Variants in KIRREL3 observed in about 807,000 individuals in gnomAD.
KIRREL3 encodes kirre like nephrin family adhesion molecule 3, also known as kin of IRRE-like protein 3.
In KIRREL3, 36 loss-of-function variants were observed where a neutral mutation model predicts 89.7. The observed-to-expected ratio is 0.40, with a 90% CI of 0.31 to 0.53. The LOEUF is 0.53. KIRREL3 is among the 20% of genes least tolerant of loss of function. KIRREL3 has a pLI of 0.49. For synonymous variants in KIRREL3, 445 were observed against 441.4 expected (o/e 1.01, Z -0.10); for missense variants, 864 against 1,056.6 (o/e 0.82, Z 2.53).
rs1488573020 is a variant in KIRREL3 at position 126,754,858 on chromosome 11, A to T, written c.56-191946T>A. Among the ~76,000 whole-genome samples the T allele has an allele frequency of 2.0e-5, 3 of 152,238 alleles. No homozygotes were observed. The highest frequency in any genetic ancestry group is 2.0e-4 in the Admixed American group (3 of 15,288). On this transcript the variant is annotated intron_variant, in intron 1 of 16. Transcript: ENST00000525144. The surrounding 1 kb of genome is among the most constrained non-coding windows in gnomAD (Gnocchi z 5.1). ...CTGGTCTCTTTCTCCATGGCCAGAC[A>T]TTGATGAAAATTGTACTGAGCAGCT...
chr11:126,606,878 G>A lies in KIRREL3; in HGVS notation c.56-43966C>T, dbSNP rs1942912197. ...GATGGGAAGGGATTTGGGGGGTCAA[G>A]GGAGGACTCTGGATGGGAAAGGGGA... On this transcript the variant is annotated intron_variant, in intron 1 of 16. Transcript: ENST00000525144. The surrounding 1 kb of genome is among the most constrained non-coding windows in gnomAD (Gnocchi z 4.6). Among the ~76,000 whole-genome samples the A allele has an allele frequency of 6.6e-6, 1 of 152,058 alleles. No individual in the cohort carries two copies. The highest frequency in any genetic ancestry group is 2.1e-4 in the South Asian group (1 of 4,814).
At chr11:126,665,005 C>T (rs1342529642) in intron 1 of KIRREL3, among the ~76,000 whole-genome samples, 1 of 152,210 alleles carries the variant, frequency 6.6e-6, no homozygotes, top group Non-Finnish European at 1.5e-5. Context: ...TCTTTTGCTT[C>T]TCACAATGAG....
intron 1 of KIRREL3, among the ~76,000 whole-genome samples, chr11:126,698,801 C>T (rs1449234269): frequency 6.6e-6 from 1 of 152,224 alleles, no homozygotes; most frequent in African/African-American, 2.4e-5. Context: ...CCTGCTCTGG[C>T]AGTGAGTTCC....
rs79822699 is a variant in KIRREL3, at chr11:126,426,998, A to G, written c.1807-1274T>C. Reference sequence around the variant, plus strand: ...TGACGATATCCTCAAGGGGTGGCTTAGCCCAGAGCCCTCAGCAAGTCCCTT... The same window carrying G: ...TGACGATATCCTCAAGGGGTGGCTTGGCCCAGAGCCCTCAGCAAGTCCCTT... On this transcript the variant is annotated intron_variant, in intron 15 of 16. Transcript: ENST00000525144. 1.9e-4 allele frequency among the ~76,000 whole-genome samples: 29 copies of G among 152,278 alleles called. 2 individuals are homozygous for G. The East Asian group carries it at 5.4e-3, about 28-fold the overall frequency.
At chr11:126,467,457 G>A (rs781177055) in intron 5 of KIRREL3, among the ~76,000 whole-genome samples, 12 of 152,148 alleles carry the variant, frequency 7.9e-5, no homozygotes, top group South Asian at 2.1e-4. Flanking sequence ...CTGAGCTCTC[G>A]GAAATGGGTG....
At chr11:126,435,525 C>T (rs1294147436) in intron 12 of KIRREL3, among the ~76,000 whole-genome samples, 1 of 85,364 alleles carries the variant, frequency 1.2e-5, no homozygotes, top group East Asian at 3.6e-4. Context: ...GATCACGTCT[C>T]GGAGGGGTCT....
rs1943309775 is a variant in KIRREL3, at chr11:126,615,595, G to A, written c.56-52683C>T. Among the ~76,000 whole-genome samples, 1 of 152,118 alleles carries A rather than the reference G, an allele frequency of 6.6e-6. No individual in the cohort carries two copies. Among genetic ancestry groups the A allele is most frequent in the Non-Finnish European group, 1.5e-5 (1 of 68,026 alleles). On this transcript the variant is annotated intron_variant, in intron 1 of 16. Coordinates refer to ENST00000525144, the MANE Select transcript of KIRREL3 (RefSeq NM_032531.4). This position sits in a 1 kb window ranked among gnomAD's most constrained non-coding sequence, Gnocchi z 5.4. ...AGCTGAAGATAGACAACCACTTGGG[G>A]GACCTAGTTGTGCCATGGCAATAAG...
Position 126,776,310 on chromosome 11 carries a change from G to C in KIRREL3, c.56-213398C>G, listed in dbSNP as rs1950167386. On this transcript the variant is annotated intron_variant, in intron 1 of 16. Transcript: ENST00000525144. This position sits in a 1 kb window ranked among gnomAD's most constrained non-coding sequence, Gnocchi z 4.7. Reference sequence around the variant, plus strand: ...TGTGCTTCCGGTGGAGTTTGCTGAAGTGCCATGGAGGGAACACTAGCCTGA... The same window carrying C: ...TGTGCTTCCGGTGGAGTTTGCTGAACTGCCATGGAGGGAACACTAGCCTGA... Among the ~76,000 whole-genome samples, 1 of 152,190 alleles carries C rather than the reference G, an allele frequency of 6.6e-6. No individual in the cohort carries two copies. The highest frequency in any genetic ancestry group is 2.4e-5 in the African/African-American group (1 of 41,438).
In KIRREL3 at chr11:126,811,736, G is replaced by T. The variant is rs1951396404; in HGVS notation, c.55+188719C>A. 6.6e-6 allele frequency among the ~76,000 whole-genome samples: 1 copy of T among 152,136 alleles called. No individual in the cohort carries two copies. ...CAAGTAGCGGGGATTACCGGCGCCT[G>T]CTACCATGCCCAGCTAATTTTTGTA... On this transcript the variant is annotated intron_variant, in intron 1 of 16. Transcript: ENST00000525144. This position sits in a 1 kb window ranked among gnomAD's most constrained non-coding sequence, Gnocchi z 4.3.
rs1948519068 is a variant in KIRREL3, at chr11:126,729,361, G to A, written c.56-166449C>T. Among the ~76,000 whole-genome samples the A allele has an allele frequency of 6.6e-6, 1 of 152,200 alleles. No homozygotes were observed. The highest frequency in any genetic ancestry group is 1.5e-5 in the Non-Finnish European group (1 of 68,034). On this transcript the variant is annotated intron_variant, in intron 1 of 16. Coordinates refer to ENST00000525144, the MANE Select transcript of KIRREL3 (RefSeq NM_032531.4). The surrounding 1 kb of genome is among the most constrained non-coding windows in gnomAD (Gnocchi z 4.5). ...GATATAGAAGAAGAAACAGGAAGTG[G>A]AGCCTGGTGAGGAACAAAAGGTGTC...
At chr11:126,440,930 G>T in intron 10 of KIRREL3, 1 of 265,904 alleles carries the variant, frequency 3.8e-6, no homozygotes, top group Non-Finnish European at 7.3e-6. Flanking sequence ...TGCAGAGGGG[G>T]TGGGGAGGTG....
chr11:126,473,359 T>G lies in KIRREL3; in HGVS notation c.541A>C (p.Ile181Leu). ...HADNAKPAAS[I>L]IWLRKGEVIN... ...ACCTCTCCCTTTCGCAACCAGATGA[T>G]GGAGGCTGCAGGCTTGGCATTGTCT... Residue 181 changes from isoleucine (I) to leucine (L), a missense_variant, in exon 5 of 17, where the codon ATC (isoleucine) becomes CTC (leucine). By Grantham distance (5) the Ile-to-Leu change is conservative. Coordinates refer to ENST00000525144, the MANE Select transcript of KIRREL3 (RefSeq NM_032531.4). The G allele has an allele frequency of 6.5e-7, 1 of 1,546,678 alleles. No homozygotes were observed. Among genetic ancestry groups the G allele is most frequent in the Non-Finnish European group, 8.7e-7 (1 of 1,149,116 alleles).
intron 1 of KIRREL3, among the ~76,000 whole-genome samples, chr11:126,663,521 C>T (rs1945518628): frequency 2.0e-5 from 3 of 152,150 alleles, no homozygotes; most frequent in African/African-American, 2.4e-5. Flanking sequence ...TCCTGGTTTT[C>T]TCTAAGGTGG....
intron 1 of KIRREL3, among the ~76,000 whole-genome samples, chr11:126,913,798 G>C: frequency 6.6e-6 from 1 of 152,192 alleles, no homozygotes; most frequent in Non-Finnish European, 1.5e-5. Flanking sequence ...AAGAAGCTTT[G>C]AAGAGGCCTG....
chr11:126,457,233 G>A (rs1389257880), intron 6 of KIRREL3, among the ~76,000 whole-genome samples: 1 of 147,352 alleles, frequency 6.8e-6, no homozygotes, highest in Non-Finnish European at 1.5e-5. Context: ...GTGTATGCAT[G>A]TGTATATGTA....
chr11:126,765,387 G>T (rs183246401), intron 1 of KIRREL3, among the ~76,000 whole-genome samples: 1 of 152,184 alleles, frequency 6.6e-6, no homozygotes, highest in Non-Finnish European at 1.5e-5. Flanking sequence ...TGTGCGGGGA[G>T]AAATCTAAAA....
At position 126,578,390 on chromosome 11, in the gene KIRREL3, AC is replaced by A. The variant is rs1941367571; in HGVS notation, c.56-15479del. Among the ~76,000 whole-genome samples, 1 of 152,226 alleles carries A rather than the reference AC, an allele frequency of 6.6e-6. No homozygotes were observed. Among genetic ancestry groups the A allele is most frequent in the Non-Finnish European group, 1.5e-5 (1 of 68,050 alleles). On this transcript the variant is annotated intron_variant, in intron 1 of 16. Transcript: ENST00000525144. This position sits in a 1 kb window ranked among gnomAD's most constrained non-coding sequence, Gnocchi z 4.9. ...TCATTGGAAGAGATCCTTGGTTCAC[AC>A]GCTAGGAAAGAAAAGGGATGATCTT...
In KIRREL3 at chr11:126,565,383, A is replaced by G. The variant is rs572550097; in HGVS notation, c.56-2471T>C. ...CACTGATTATGTTTGATTTTTGCAA[A>G]TGAGCAGGAAAAGAAGTTTTAAAAA... On this transcript the variant is annotated intron_variant, in intron 1 of 16. Transcript: ENST00000525144. This position sits in a 1 kb window ranked among gnomAD's most constrained non-coding sequence, Gnocchi z 5.4. 1.4e-4 allele frequency among the ~76,000 whole-genome samples: 21 copies of G among 152,314 alleles called. No individual in the cohort carries two copies. The highest frequency in any genetic ancestry group is 4.6e-4 in the African/African-American group (19 of 41,576).
At position 126,570,412 on chromosome 11, in the gene KIRREL3, G is replaced by A. The variant is rs1034163387; in HGVS notation, c.56-7500C>T. On this transcript the variant is annotated intron_variant, in intron 1 of 16. Coordinates refer to ENST00000525144, the MANE Select transcript of KIRREL3 (RefSeq NM_032531.4). This position sits in a 1 kb window ranked among gnomAD's most constrained non-coding sequence, Gnocchi z 6.1. ...TGAAACAGCTGTGGTCTTAAATTAC[G>A]TTTTTGAAATAATGAGTTCTATAAC... Among the ~76,000 whole-genome samples, 25 of 152,096 alleles carry A rather than the reference G, an allele frequency of 1.6e-4. No individual in the cohort carries two copies. The highest frequency in any genetic ancestry group is 5.6e-4 in the African/African-American group (23 of 41,418).
Sources: allele counts gnomAD v4.1 joint callset (sites outside exome capture counted in the v4.1 genomes callset), GRCh38; gene constraint gnomAD v4.1.1; non-coding constraint Gnocchi (gnomAD v3.1); transcripts MANE v1.5; gene names NCBI Gene and HGNC (gene_info 2026-07-23, HGNC 2026-07-21).